Variants in ATP11A observed in about 807,000 individuals in gnomAD.
ATP11A encodes the protein ATPase phospholipid transporting 11A, also known as phospholipid-transporting ATPase IH.
Under a neutral mutation model 154.4 loss-of-function variants are expected in ATP11A, and 81 were observed. That is an observed-to-expected ratio of 0.52 (90% CI 0.44 to 0.63). The LOEUF is 0.63. ATP11A is among the 30% of genes least tolerant of loss of function. ATP11A has a pLI of 0.00. For synonymous variants in ATP11A, 623 were observed against 585.9 expected (o/e 1.06, Z -0.91); for missense variants, 1,316 against 1,474.3 (o/e 0.89, Z 1.76).
At chr13:112,874,052 GC>G in intron 27 of ATP11A, among the ~76,000 whole-genome samples, 1 of 152,364 alleles carries the variant, frequency 6.6e-6, no homozygotes, top group Non-Finnish European at 1.5e-5. Flanking sequence ...GCAAGTCCCA[GC>G]TGGTAACCGC....
chr13:112,740,158 A>ATATCTCTCTC (rs1555311753), intron 1 of ATP11A, among the ~76,000 whole-genome samples: 105 of 149,348 alleles, frequency 7.0e-4, no homozygotes, highest in African/African-American at 2.4e-3. Flanking sequence ...CTATATATAT[A>ATATCTCTCTC]TATATATATA....
At chr13:112,844,798 T>TCCTAACC (rs2079531718) in intron 17 of ATP11A, among the ~76,000 whole-genome samples, 2 of 123,940 alleles carry the variant, frequency 1.6e-5, no homozygotes, top group Non-Finnish European at 3.5e-5. Context: ...TGCCGGGTGT[T>TCCTAACC]AGTGGTACTA....
Position 112,882,083 on chromosome 13 carries a change from T to G in ATP11A, c.*217T>G, listed in dbSNP as rs774684045. Reference sequence around the variant, plus strand: ...CGTGTGATGGATGGTCCTAAGCCTGTGGAGACTGTGCACGTGCCTCTTCCT... The same window carrying G: ...CGTGTGATGGATGGTCCTAAGCCTGGGGAGACTGTGCACGTGCCTCTTCCT... On this transcript the variant is annotated 3_prime_UTR_variant, in exon 30 of 30. Coordinates refer to ENST00000375645, the MANE Select transcript of ATP11A (RefSeq NM_015205.3). This position sits in a 1 kb window ranked among gnomAD's most constrained non-coding sequence, Gnocchi z 5.1. 7.3e-7 allele frequency: 1 copy of G among 1,364,270 alleles called. No individual in the cohort carries two copies. Among genetic ancestry groups the G allele is most frequent in the South Asian group, 1.1e-5 (1 of 87,998 alleles). The allele number at this position is 1,364,270 out of a possible 1,614,324, so 84.5% of individuals were successfully genotyped here.
At chr13:112,805,069 A>C (rs1463239451) in intron 3 of ATP11A, 23 bp downstream of exon 3, 1 of 1,523,062 alleles carries the variant, frequency 6.6e-7, no homozygotes, top group Admixed American at 1.8e-5. Context: ...ATTGTTTTCC[A>C]TCTCATCACA....
At chr13:112,801,715 A>G (rs1387972990) in intron 2 of ATP11A, among the ~76,000 whole-genome samples, 3 of 152,250 alleles carry the variant, frequency 2.0e-5, no homozygotes, top group African/African-American at 7.2e-5. Context: ...TTACACAGGT[A>G]TAAATCTAAC....
At chr13:112,874,259 A>G (rs2080643362) in intron 27 of ATP11A, among the ~76,000 whole-genome samples, 1 of 152,042 alleles carries the variant, frequency 6.6e-6, no homozygotes. Context: ...CGTGAGTGGG[A>G]GCCGTGGCCA....
At chr13:112,781,917 A>G (rs1018349821) in intron 1 of ATP11A, among the ~76,000 whole-genome samples, 1 of 152,188 alleles carries the variant, frequency 6.6e-6, no homozygotes, top group Non-Finnish European at 1.5e-5. Context: ...GAGGCCGTCT[A>G]AGTGACCTCA....
chr13:112,807,608 A>G lies in ATP11A; in HGVS notation c.333+1315A>G, dbSNP rs925608701. On this transcript the variant is annotated intron_variant, in intron 4 of 29. Coordinates refer to ENST00000375645, the MANE Select transcript of ATP11A (RefSeq NM_015205.3). This position sits in a 1 kb window ranked among gnomAD's most constrained non-coding sequence, Gnocchi z 4.5. The stretch of plus-strand genomic sequence containing the variant: ...CGGTGGCAGGCTCTTGCAAACTTCA[A>G]CTTTAAGCAAAACGATGGGTTTTCT... 7.2e-5 allele frequency among the ~76,000 whole-genome samples: 11 copies of G among 152,184 alleles called. No individual in the cohort carries two copies. Among genetic ancestry groups the G allele is most frequent in the African/African-American group, 1.9e-4 (8 of 41,430 alleles).
chr13:112,710,824 A>T (rs903072745), intron 1 of ATP11A, among the ~76,000 whole-genome samples: 1 of 152,194 alleles, frequency 6.6e-6, no homozygotes, highest in Non-Finnish European at 1.5e-5. Flanking sequence ...GTTGGTCTTC[A>T]CCTGCCGTCA....
Position 112,697,724 on chromosome 13 carries a change from C to G in ATP11A, c.39+7269C>G, listed in dbSNP as rs1886040029. ...CTGGGATTTGTGCCACGACGCCCGG[C>G]CAGTTTTTTTTTTTTTTTTTTTTTT... On this transcript the variant is annotated intron_variant, in intron 1 of 29. Transcript: ENST00000375645. The surrounding 1 kb of genome is among the most constrained non-coding windows in gnomAD (Gnocchi z 4.0). Among the ~76,000 whole-genome samples the G allele has an allele frequency of 1.2e-5, 1 of 86,172 alleles. No homozygotes were observed. Among genetic ancestry groups the G allele is most frequent in the African/African-American group, 4.1e-5 (1 of 24,434 alleles). The allele number at this position is 86,172 out of a possible 152,430, so 56.5% of individuals were successfully genotyped here. A position where few individuals can be genotyped will look rare whatever the true frequency, so the allele number is the denominator to read the frequency against.
rs140016915 is a variant in ATP11A, at chr13:112,875,884, C to T, written c.3270C>T (p.Asp1090=). Residue 1090 remains aspartate, a synonymous_variant, in exon 28 of 30, where the codon GAC becomes GAT. Transcript: ENST00000375645. The surrounding 1 kb of genome is among the most constrained non-coding windows in gnomAD (Gnocchi z 4.1). The part of the protein sequence containing the change: ...VLLVTISLLP[D]VLKKVLCRQL... ...TGGTGACCATCAGCCTCCTTCCCGA[C>T]GTCCTCAAGAAAGTCCTGTGCCGGC... 8.8e-5 allele frequency: 142 copies of T among 1,613,616 alleles called. No homozygotes were observed. Among genetic ancestry groups the T allele is most frequent in the Non-Finnish European group, 1.1e-4 (125 of 1,180,052 alleles).
Position 112,834,570 on chromosome 13 carries a change from G to A in ATP11A, c.1560-19G>A. ...ATCAGAATCTCAGATTCACCCCGAG[G>A]TTTCCCTTCTCATTGCAGACTTGGC... On this transcript the variant is annotated intron_variant, in intron 14 of 29. Transcript: ENST00000375645. 6.3e-7 allele frequency: 1 copy of A among 1,580,414 alleles called. No individual in the cohort carries two copies. Among genetic ancestry groups the A allele is most frequent in the African/African-American group, 1.3e-5 (1 of 74,352 alleles).
chr13:112,791,917 C>T (rs929304700), intron 2 of ATP11A, among the ~76,000 whole-genome samples: 22 of 152,154 alleles, frequency 1.4e-4, no homozygotes, highest in Non-Finnish European at 2.4e-4. Flanking sequence ...CACTCAGGAA[C>T]GCACAGACCG....
intron 29 of ATP11A, among the ~76,000 whole-genome samples, chr13:112,880,044 C>T (rs2140448941): frequency 6.6e-6 from 1 of 152,334 alleles, no homozygotes; most frequent in African/African-American, 2.4e-5. Flanking sequence ...CAATTCCAAG[C>T]CCGCAGTTCT....
rs1173693352 is a variant in ATP11A at position 112,883,073 on chromosome 13, GTCC to G, written c.*1210_*1212del. ...CCACATCCCCTTGCCCCGTCACCTCGTCCTCATGTCCCCTTGTCCTGTCACCTC... is the reference window on the plus strand; with the variant it reads ...CCACATCCCCTTGCCCCGTCACCTCGTCATGTCCCCTTGTCCTGTCACCTC... On this transcript the variant is annotated 3_prime_UTR_variant, in exon 30 of 30. Coordinates refer to ENST00000375645, the MANE Select transcript of ATP11A (RefSeq NM_015205.3). 11 of 354,422 alleles carry G rather than the reference GTCC, an allele frequency of 3.1e-5. No individual in the cohort carries two copies. Among genetic ancestry groups the G allele is most frequent in the African/African-American group, 5.1e-5 (2 of 38,922 alleles). The allele number at this position is 354,422 out of a possible 1,614,324, so 22.0% of individuals were successfully genotyped here. A position where few individuals can be genotyped will look rare whatever the true frequency, so the allele number is the denominator to read the frequency against.
intron 1 of ATP11A, among the ~76,000 whole-genome samples, chr13:112,723,654 A>G (rs1889479396): frequency 6.6e-6 from 1 of 151,992 alleles, no homozygotes; most frequent in Non-Finnish European, 1.5e-5. Context: ...GGGAGGGGGT[A>G]GAAGGAGGTA....
Position 112,875,655 on chromosome 13 carries a change from G to C in ATP11A, c.3162-121G>C, listed in dbSNP as rs952940267. On this transcript the variant is annotated intron_variant, in intron 27 of 29. Transcript: ENST00000375645. The surrounding 1 kb of genome is among the most constrained non-coding windows in gnomAD (Gnocchi z 4.1). ...AAATTCAGAGCAGGCTCCGTGGCTT[G>C]CCAAGCAACTCTCACTGACAAAAGT... is the stretch of plus-strand genomic sequence containing the variant. 6 of 1,130,682 alleles carry C rather than the reference G, an allele frequency of 5.3e-6. No homozygotes were observed. The African/African-American group carries it at 9.3e-5, about 18-fold the overall frequency. 70.0% of individuals were successfully genotyped at this position (1,130,682 alleles called of 1,614,324 possible).
chr13:112,710,208 G>C (rs890245781), intron 1 of ATP11A, among the ~76,000 whole-genome samples: 3 of 152,188 alleles, frequency 2.0e-5, no homozygotes, highest in African/African-American at 7.2e-5. Flanking sequence ...GTGTGGCCGT[G>C]GTGTTTAAGT....
At position 112,697,379 on chromosome 13, in the gene ATP11A, G is replaced by A. The variant is rs1318065876; in HGVS notation, c.39+6924G>A. Among the ~76,000 whole-genome samples the A allele has an allele frequency of 6.6e-6, 1 of 151,968 alleles. No individual in the cohort carries two copies. The highest frequency in any genetic ancestry group is 1.5e-5 in the Non-Finnish European group (1 of 67,998). On this transcript the variant is annotated intron_variant, in intron 1 of 29. Coordinates refer to ENST00000375645, the MANE Select transcript of ATP11A (RefSeq NM_015205.3). This position sits in a 1 kb window ranked among gnomAD's most constrained non-coding sequence, Gnocchi z 4.0. The stretch of plus-strand genomic sequence containing the variant: ...AACGTTCCTGGCACAGAAAAGCCAC[G>A]CAGAAAACAGCTGCTGGGCCAACAC...
Sources: allele counts gnomAD v4.1 joint callset (sites outside exome capture counted in the v4.1 genomes callset), GRCh38; gene constraint gnomAD v4.1.1; non-coding constraint Gnocchi (gnomAD v3.1); transcripts MANE v1.5; gene names NCBI Gene and HGNC (gene_info 2026-07-23, HGNC 2026-07-21).